FAT3: variants seen among roughly 807,000 people sequenced by gnomAD.
The protein encoded by FAT3 is protocadherin Fat 3.
FAT3 carries 95 observed loss-of-function variants against 310.2 expected under a neutral mutation model. The ratio of observed to expected loss-of-function variants is 0.31; its 90% confidence interval spans 0.26 to 0.36. The LOEUF is 0.36. Among genes scored for constraint, FAT3 ranks in the 10% least tolerant of loss-of-function variants. FAT3 has a pLI of 1.00. For missense variants in FAT3, 5,408 were observed against 5,715.6 expected, an observed-to-expected ratio of 0.95 and a Z score of 1.74; for synonymous variants, 2,314 against 2,192.9, an observed-to-expected ratio of 1.06 and a Z score of -1.54.
intron 3 of FAT3, among the ~76,000 whole-genome samples, chr11:92,647,343 G>A (rs1462598978): frequency 6.6e-6 from 1 of 152,080 alleles, no homozygotes; most frequent in African/African-American, 2.4e-5. Flanking sequence ...ATGGACAACA[G>A]AACATTTGAG....
intron 3 of FAT3, among the ~76,000 whole-genome samples, chr11:92,625,147 T>C (rs771422954): frequency 1.3e-5 from 2 of 152,212 alleles, no homozygotes; most frequent in East Asian, 3.9e-4. Context: ...TGATGGATGC[T>C]GGGGCAAGAG....
chr11:92,663,550 A>C (rs1286257234), intron 3 of FAT3, among the ~76,000 whole-genome samples: 2 of 152,184 alleles, frequency 1.3e-5, no homozygotes, highest in Non-Finnish European at 2.9e-5. Context: ...TACATCTGGC[A>C]TGTCCCAAAG....
intron 1 of FAT3, among the ~76,000 whole-genome samples, chr11:92,328,919 AG>A (rs1947834912): frequency 6.6e-6 from 1 of 152,190 alleles, no homozygotes; most frequent in Non-Finnish European, 1.5e-5. Context: ...AGTGGGGTAA[AG>A]CACTAGGCCA....
intron 3 of FAT3, among the ~76,000 whole-genome samples, chr11:92,576,116 C>T (rs7126634): frequency 0.013 from 1,956 of 152,232 alleles, 43 homozygotes; most frequent in African/African-American, 0.044. Flanking sequence ...AACAGATGCA[C>T]ATTTTAAGAA....
chr11:92,468,370 G>A (rs1951824086), intron 2 of FAT3, among the ~76,000 whole-genome samples: 1 of 152,172 alleles, frequency 6.6e-6, no homozygotes, highest in Non-Finnish European at 1.5e-5. Context: ...GCCTAACATA[G>A]TGCTTAATAA....
At chr11:92,514,223 T>C (rs1953402195) in intron 2 of FAT3, among the ~76,000 whole-genome samples, 1 of 152,188 alleles carries the variant, frequency 6.6e-6, no homozygotes, top group Non-Finnish European at 1.5e-5. Flanking sequence ...AAATAAATAC[T>C]TTCTGTGTAT....
At chr11:92,804,256 A>G (rs967781728) in intron 10 of FAT3, among the ~76,000 whole-genome samples, 29 of 151,966 alleles carry the variant, frequency 1.9e-4, no homozygotes, top group Non-Finnish European at 3.4e-4. Flanking sequence ...GAATGCCCAA[A>G]TAAATGAAAT....
chr11:92,745,582 G>GAAAAAAA (rs58851230), intron 4 of FAT3, among the ~76,000 whole-genome samples: 1 of 122,976 alleles, frequency 8.1e-6, no homozygotes, highest in Non-Finnish European at 1.7e-5. Context: ...TCTCTGCAGG[G>GAAAAAAA]AAAAAAAAAA....
chr11:92,553,690 TTCCTTC>T (rs1954901685), intron 3 of FAT3, among the ~76,000 whole-genome samples: 1 of 58,008 alleles, frequency 1.7e-5, no homozygotes, highest in African/African-American at 4.3e-5. Flanking sequence ...CCTTCCTTCC[TTCCTTC>T]CTTCCTTCCT....
intron 4 of FAT3, among the ~76,000 whole-genome samples, chr11:92,718,822 C>T (rs1944767583): frequency 6.6e-6 from 1 of 152,164 alleles, no homozygotes; most frequent in Non-Finnish European, 1.5e-5. Context: ...CTTACAGTCT[C>T]ATTACAGAAT....
intron 2 of FAT3, among the ~76,000 whole-genome samples, chr11:92,365,039 T>A (rs974217141): frequency 6.6e-6 from 1 of 152,142 alleles, no homozygotes; most frequent in African/African-American, 2.4e-5. Context: ...GCAGGAGGAT[T>A]GCTTGATTCC....
chr11:92,529,378 A>G (rs2135378517), intron 3 of FAT3, among the ~76,000 whole-genome samples: 1 of 152,354 alleles, frequency 6.6e-6, no homozygotes, highest in Admixed American at 6.5e-5. Flanking sequence ...AGTGAAGCTT[A>G]CCAGATAGCT....
intron 3 of FAT3, among the ~76,000 whole-genome samples, chr11:92,661,561 C>A (rs935649807): frequency 4.1e-5 from 6 of 146,708 alleles, no homozygotes; most frequent in East Asian, 2.0e-4. Context: ...GTGTGGAGTG[C>A]TTTTTTTTTT....
intron 2 of FAT3, among the ~76,000 whole-genome samples, chr11:92,459,970 AT>A (rs1951593803): frequency 6.6e-6 from 1 of 152,072 alleles, no homozygotes; most frequent in African/African-American, 2.4e-5. Context: ...CAAAAAAAAA[AT>A]AAGAAAAAAG....
At chr11:92,235,866 C>T (rs998977648) in intron 1 of FAT3, among the ~76,000 whole-genome samples, 2 of 152,074 alleles carry the variant, frequency 1.3e-5, no homozygotes, top group African/African-American at 2.4e-5. Context: ...GGTGTCCAGC[C>T]GCCTTTCAGT....
chr11:92,528,450 G>C (rs551158586), intron 3 of FAT3, among the ~76,000 whole-genome samples: 17 of 152,280 alleles, frequency 1.1e-4, no homozygotes, highest in African/African-American at 4.1e-4. Flanking sequence ...GCATTGGCAC[G>C]ATCTCGGCTC....
chr11:92,473,231 T>C (rs1951955979), intron 2 of FAT3, among the ~76,000 whole-genome samples: 1 of 152,148 alleles, frequency 6.6e-6, no homozygotes, highest in African/African-American at 2.4e-5. Context: ...GTATACTTAA[T>C]TGGCGCAGTA....
intron 3 of FAT3, among the ~76,000 whole-genome samples, chr11:92,538,387 T>C (rs1297996144): frequency 6.6e-6 from 1 of 152,132 alleles, no homozygotes; most frequent in Non-Finnish European, 1.5e-5. Flanking sequence ...TAACTTGGTA[T>C]AGCTCAGGTT....
intron 3 of FAT3, among the ~76,000 whole-genome samples, chr11:92,585,650 A>T (rs545367039): frequency 9.9e-5 from 15 of 152,188 alleles, no homozygotes; most frequent in African/African-American, 3.1e-4. Context: ...ATGGAGAAGC[A>T]GGAGCACAGA....
Sources: gnomAD v4.1 joint callset for allele counts (sites outside exome capture counted in the v4.1 genomes callset) on GRCh38, gnomAD v4.1.1 for gene constraint, MANE v1.5 for transcripts, NCBI Gene and HGNC (gene_info 2026-07-23, HGNC 2026-07-21) for gene names.